The following SYMPK variants were observed in gnomAD, a reference collection of about 807,000 sequenced individuals.
SYMPK encodes symplekin scaffold protein.
SYMPK carries 49 observed loss-of-function variants against 136.4 expected under a neutral mutation model. The ratio of observed to expected loss-of-function variants is 0.36; its 90% CI spans 0.29 to 0.46. The LOEUF (loss-of-function observed/expected upper bound fraction) is 0.46, where lower values mean the gene tolerates loss of function less well. Ranked by LOEUF, SYMPK falls within the 20% of genes least tolerant of loss-of-function variation. SYMPK has a pLI of 1.00. For synonymous variants in SYMPK, 766 were observed against 713.0 expected (o/e 1.07, Z -1.19); for missense variants, 1,365 against 1,690.0 (o/e 0.81, Z 3.37).
intron 24 of SYMPK, 30 bp downstream of exon 24, chr19:45,816,768 G>A (rs766308036): frequency 1.1e-5 from 16 of 1,503,686 alleles, no homozygotes; most frequent in Non-Finnish European, 1.3e-5. Flanking sequence ...TGGGTGGGGG[G>A]AAAGGGTACC....
intron 3 of SYMPK, 48 bp from the exon 4 acceptor site, chr19:45,852,583 G>A (rs1386130191): frequency 1.2e-6 from 2 of 1,609,136 alleles, no homozygotes; most frequent in Admixed American, 3.3e-5. Flanking sequence ...TATAAAACGA[G>A]GGGCCAATCA....
chr19:45,819,133 G>A (rs56243424), intron 22 of SYMPK: 43,560 of 151,872 alleles, frequency 0.29, 6,615 homozygotes, highest in Admixed American at 0.41. Context: ...TGCCTGCTCA[G>A]CCACCCCAAG....
chr19:45,826,418 AG>A (rs1186103518), intron 16 of SYMPK, 45 bp from the exon 17 acceptor site: 4 of 1,597,394 alleles, frequency 2.5e-6, no homozygotes, highest in Non-Finnish European at 3.4e-6. Context: ...AAGAGGTAAG[AG>A]GAAGAACAGC....
rs1264904292 is a variant in SYMPK, at chr19:45,822,851, AG to A, written c.2701-6del. On this transcript the variant is annotated splice_region_variant and splice_polypyrimidine_tract_variant and intron_variant, in intron 20 of 26. Coordinates refer to ENST00000245934, the MANE Select transcript of SYMPK (RefSeq NM_004819.3). ...CAGGGCCTGGATCACCTCTTTCTAC[AG>A]GGAGAAGGTGGTGGGGGTGGGAGTT... is the stretch of plus-strand genomic sequence containing the variant. The A allele has an allele frequency of 4.4e-6, 7 of 1,596,820 alleles. No homozygotes were observed. The highest frequency in any genetic ancestry group is 6.0e-6 in the Non-Finnish European group (7 of 1,164,698).
At chr19:45,830,954 GGTGT>G (rs10612114) in intron 12 of SYMPK, 47,394 of 152,426 alleles carry the variant, frequency 0.31, 7,467 homozygotes, top group Non-Finnish European at 0.35. Context: ...TGGATTTTGT[GGTGT>G]GTAAGGGAGG....
chr19:45,823,505 A>C, intron 19 of SYMPK, 33 bp from the exon 20 acceptor site: 1 of 1,603,294 alleles, frequency 6.2e-7, no homozygotes, highest in Non-Finnish European at 8.5e-7. Context: ...ACCAAGTTGG[A>C]GGCGGAGGGG....
intron 10 of SYMPK, among the ~76,000 whole-genome samples, chr19:45,837,688 A>G (rs976008992): frequency 2.6e-5 from 4 of 151,558 alleles, no homozygotes; most frequent in Non-Finnish European, 5.9e-5. Flanking sequence ...GGCAAGTGGA[A>G]CTTAAATTTT....
In SYMPK at chr19:45,818,122, C is replaced by T. The variant is rs760395766; in HGVS notation, c.2918G>A (p.Arg973Gln). The change falls in exon 23 of 27, where the codon CGG becomes CAG. Residue 973 changes from arginine (R) to glutamine (Q), a missense_variant. Physicochemically the swap from Arg to Gln is conservative, Grantham distance 43. This residue lies in a region of SYMPK where 156 missense variants were observed against 217.8 expected (regional missense o/e 0.72). Coordinates refer to ENST00000245934, the MANE Select transcript of SYMPK (RefSeq NM_004819.3). ...CAGCACCTCTGACGTGTACACGTTC[C>T]GCTCCGCAAAGCACAGGTTGGTGGC... ...IKATNLCFAE[R>Q]NVYTSEVLAV... The T allele has an allele frequency of 3.9e-6, 6 of 1,552,242 alleles. No individual in the cohort carries two copies. Among genetic ancestry groups the T allele is most frequent in the African/African-American group, 1.4e-5 (1 of 73,152 alleles).
chr19:45,836,621 A>G (rs1358545292), intron 10 of SYMPK, among the ~76,000 whole-genome samples: 2 of 150,918 alleles, frequency 1.3e-5, no homozygotes, highest in African/African-American at 2.4e-5. Flanking sequence ...ACAGAGCAAG[A>G]CTCTGTCTCA....
chr19:45,823,394 G>A lies in SYMPK; in HGVS notation c.2678C>T (p.Pro893Leu), dbSNP rs1970956693. The A allele has an allele frequency of 6.2e-7, 1 of 1,614,008 alleles. No individual in the cohort carries two copies. Among genetic ancestry groups the A allele is most frequent in the Non-Finnish European group, 8.5e-7 (1 of 1,180,024 alleles). The part of the protein sequence containing the change: ...KRLPDVRFLI[P>L]VLNGLEKKEV... ...TACCTTCTCCAGCCCATTGAGCACC[G>A]GGATGAGGAAGCGGACGTCTGGCAG... is the stretch of plus-strand genomic sequence containing the variant. The change falls in exon 20 of 27, where the codon CCG becomes CTG. Residue 893 changes from proline to leucine, a missense_variant. Coordinates refer to ENST00000245934, the MANE Select transcript of SYMPK (RefSeq NM_004819.3).
rs1225357417 is a variant in SYMPK at position 45,848,781 on chromosome 19, G to T, written c.395C>A (p.Thr132Asn). 1 of 1,613,878 alleles carries T rather than the reference G, an allele frequency of 6.2e-7. No individual in the cohort carries two copies. The highest frequency in any genetic ancestry group is 1.1e-5 in the South Asian group (1 of 91,054). ...GGCCACCTTGTAGAGCTGGGTCATG[G>T]TGAGGATAGCCTTCTTCACCACGTT... is the stretch of plus-strand genomic sequence containing the variant. ...NVNVVKKAIL[T>N]MTQLYKVALQ... is the part of the protein sequence containing the mutation. Residue 132 changes from threonine (T) to asparagine (N), a missense_variant, in exon 6 of 27, where the codon ACC (threonine) becomes AAC (asparagine). By Grantham distance (65) the Thr-to-Asn change is moderately conservative (BLOSUM62 0). Transcript: ENST00000245934.
chr19:45,841,717 AACC>A (rs1384270385), intron 9 of SYMPK, among the ~76,000 whole-genome samples: 1 of 152,244 alleles, frequency 6.6e-6, no homozygotes, highest in Non-Finnish European at 1.5e-5. Flanking sequence ...TAAATAATAC[AACC>A]ACTAGAAAAT....
intron 12 of SYMPK, chr19:45,831,176 T>A (rs1971161843): frequency 1.0e-5 from 4 of 393,650 alleles, no homozygotes; most frequent in Non-Finnish European, 1.8e-5. Context: ...AGGATTTTTT[T>A]TTTTTTTTTT....
chr19:45,853,764 T>G (rs1971750050), intron 3 of SYMPK, among the ~76,000 whole-genome samples: 1 of 152,088 alleles, frequency 6.6e-6, no homozygotes, highest in Non-Finnish European at 1.5e-5. Context: ...CCCCCTGGGC[T>G]CCCTTCTCCA....
chr19:45,843,618 T>A (rs550701975), intron 8 of SYMPK, among the ~76,000 whole-genome samples: 1 of 152,182 alleles, frequency 6.6e-6, no homozygotes, highest in African/African-American at 2.4e-5. Flanking sequence ...TGACTAGCGC[T>A]CGGGGTCCAC....
At chr19:45,847,662 C>CA in intron 7 of SYMPK, 90 bp downstream of exon 7, 1 of 1,496,324 alleles carries the variant, frequency 6.7e-7, no homozygotes. Flanking sequence ...AATTTAAAAC[C>CA]AAAAAAGACA....
chr19:45,852,865 G>T (rs1013257271), intron 3 of SYMPK, among the ~76,000 whole-genome samples: 3 of 152,168 alleles, frequency 2.0e-5, no homozygotes, highest in African/African-American at 7.2e-5. Flanking sequence ...AGTGCCCCAA[G>T]GCTCAGGCCT....
chr19:45,843,629 C>G (rs1971495304), intron 8 of SYMPK, among the ~76,000 whole-genome samples: 1 of 152,098 alleles, frequency 6.6e-6, no homozygotes, highest in African/African-American at 2.4e-5. Flanking sequence ...CGGGGTCCAC[C>G]ACGGAGCTAC....
chr19:45,815,739 G>C, intron 26 of SYMPK, 42 bp from the exon 27 acceptor site: 2 of 1,601,272 alleles, frequency 1.2e-6, no homozygotes, highest in Non-Finnish European at 1.7e-6. Flanking sequence ...TGGAGGGCGC[G>C]GTCACCTCCA....
Sources: gnomAD v4.1 joint callset for allele counts (sites outside exome capture counted in the v4.1 genomes callset) on GRCh38, gnomAD v4.1.1 for gene constraint, gnomAD v4.1.1 regional missense constraint, MANE v1.5 for transcripts, NCBI Gene and HGNC (gene_info 2026-07-23, HGNC 2026-07-21) for gene names.